CECR2: variants seen among roughly 807,000 people sequenced by gnomAD.
CECR2 encodes chromatin remodeling regulator CECR2.
CECR2 carries 30 observed loss-of-function variants against 154.5 expected under a neutral mutation model. The observed-to-expected ratio is 0.19, with a 90% CI of 0.15 to 0.26. The LOEUF is 0.26. Among genes scored for constraint, CECR2 ranks in the 10% least tolerant of loss-of-function variants. The pLI is 1.00. For synonymous variants in CECR2, 725 were observed against 683.7 expected, an observed-to-expected ratio of 1.06 and a Z score of -0.94; for missense variants, 1,743 against 1,829.3, an observed-to-expected ratio of 0.95 and a Z score of 0.86.
chr22:17,531,802 A>G (rs996654640), intron 9 of CECR2, among the ~76,000 whole-genome samples: 4 of 152,194 alleles, frequency 2.6e-5, no homozygotes, highest in Admixed American at 2.6e-4. Context: ...ACCAATGTGG[A>G]AAAGGTGGAT....
intron 1 of CECR2, among the ~76,000 whole-genome samples, chr22:17,464,706 T>C (rs2054998270): frequency 6.6e-6 from 1 of 152,052 alleles, no homozygotes. Context: ...CTCACAAAGT[T>C]GCCAGGCTGG....
chr22:17,495,525 C>T (rs976427818), intron 2 of CECR2, among the ~76,000 whole-genome samples: 38 of 148,024 alleles, frequency 2.6e-4, no homozygotes, highest in African/African-American at 8.7e-4. Context: ...GCCAAGATCA[C>T]GCCATTGTAC....
intron 1 of CECR2, among the ~76,000 whole-genome samples, chr22:17,412,659 A>T (rs933447444): frequency 6.6e-6 from 1 of 152,182 alleles, no homozygotes; most frequent in South Asian, 2.1e-4. Flanking sequence ...AAGGAAAATT[A>T]GGACTTCGGA....
intron 1 of CECR2, among the ~76,000 whole-genome samples, chr22:17,370,626 C>G (rs568123163): frequency 1.1e-4 from 16 of 152,028 alleles, no homozygotes; most frequent in Admixed American, 2.0e-4. Context: ...ATTATCCCCC[C>G]GGGCGAGCGC....
chr22:17,398,088 TTTA>T lies in CECR2; in HGVS notation c.126+28184_126+28186del, dbSNP rs1314394894. On this transcript the variant is annotated intron_variant, in intron 1 of 18. Transcript: ENST00000262608. ...TAAGCATTTTCATTTTGACATTTAT[TTTA>T]TTATATATTTCATGGTATGTCTGCT... Among the ~76,000 whole-genome samples, 4 of 152,322 alleles carry T rather than the reference TTTA, an allele frequency of 2.6e-5. No homozygotes were observed. In the South Asian group the frequency reaches 8.3e-4, roughly 32 times the overall value.
At chr22:17,403,576 T>G (rs1476873776) in intron 1 of CECR2, among the ~76,000 whole-genome samples, 1 of 152,208 alleles carries the variant, frequency 6.6e-6, no homozygotes, top group Non-Finnish European at 1.5e-5. Flanking sequence ...TTTCCTGTCC[T>G]TTTGCTTATC....
intron 1 of CECR2, among the ~76,000 whole-genome samples, chr22:17,383,248 T>C (rs1404119289): frequency 6.6e-6 from 1 of 152,090 alleles, no homozygotes; most frequent in Non-Finnish European, 1.5e-5. Flanking sequence ...AAAATCCTAA[T>C]GATCATCTGA....
At chr22:17,457,747 ACCCAGATGTC>A (rs764420888) in intron 1 of CECR2, among the ~76,000 whole-genome samples, 4 of 152,300 alleles carry the variant, frequency 2.6e-5, no homozygotes, top group Non-Finnish European at 5.9e-5. Flanking sequence ...AGTTGCAAAA[ACCCAGATGTC>A]CTTCAGTTGG....
chr22:17,404,279 CAAAAA>C (rs375565396), intron 1 of CECR2, among the ~76,000 whole-genome samples: 2 of 62,870 alleles, frequency 3.2e-5, no homozygotes, highest in East Asian at 3.7e-4. Flanking sequence ...ACCCCCCTGC[CAAAAA>C]AAAAAAAAAA....
rs186627084 is a variant in CECR2 at position 17,531,241 on chromosome 22, C to T, written c.1109-5862C>T. ...AAAGGGATCCCCGTGGTGACACAGA[C>T]GGAGGAATCGGGATTGTCAGAGGTG... On this transcript the variant is annotated intron_variant, in intron 9 of 18. Coordinates refer to ENST00000262608, the MANE Select transcript of CECR2 (RefSeq NM_001290047.2). 5.8e-3 allele frequency among the ~76,000 whole-genome samples: 882 copies of T among 151,904 alleles called. 4 individuals are homozygous for T. Among genetic ancestry groups the T allele is most frequent in the Middle Eastern group, 0.017 (5 of 290 alleles).
At chr22:17,540,238 A>C (rs1462380887) in intron 13 of CECR2, among the ~76,000 whole-genome samples, 174 bp from the exon 14 acceptor site, 1 of 134,588 alleles carries the variant, frequency 7.4e-6, no homozygotes. Context: ...GCTCTACAAT[A>C]TAATGTGCCC....
At position 17,480,971 on chromosome 22, in the gene CECR2, C is replaced by T. The variant is rs138148057; in HGVS notation, c.221+3289C>T. Among the ~76,000 whole-genome samples the T allele has an allele frequency of 2.5e-3, 363 of 145,674 alleles. 2 individuals are homozygous for T. The highest frequency in any genetic ancestry group is 8.6e-3 in the African/African-American group (340 of 39,458). On this transcript the variant is annotated intron_variant, in intron 2 of 18. Coordinates refer to ENST00000262608, the MANE Select transcript of CECR2 (RefSeq NM_001290047.2). ...GGGAGAATTGCTTCAACCCGGGAGG[C>T]GGAGGTTGCAGTGAGCCAAGATCGC...
intron 1 of CECR2, among the ~76,000 whole-genome samples, chr22:17,408,380 G>T (rs997085267): frequency 6.6e-6 from 1 of 151,996 alleles, no homozygotes; most frequent in Admixed American, 6.6e-5. Context: ...GTGTGATTTG[G>T]GCAAGTCATT....
intron 1 of CECR2, among the ~76,000 whole-genome samples, chr22:17,448,858 T>A (rs766821991): frequency 3.5e-4 from 53 of 152,130 alleles, no homozygotes; most frequent in African/African-American, 1.3e-3. Context: ...CTTTTCAGAT[T>A]CCTCTTTTTT....
chr22:17,466,334 A>G (rs892229162), intron 1 of CECR2, among the ~76,000 whole-genome samples: 5 of 152,170 alleles, frequency 3.3e-5, no homozygotes, highest in African/African-American at 1.2e-4. Context: ...TCATTTCTTT[A>G]AGCAAATTTC....
At chr22:17,551,958 C>G (rs2056714454) in intron 17 of CECR2, 73 bp from the exon 18 acceptor site, 1 of 1,414,046 alleles carries the variant, frequency 7.1e-7, no homozygotes, top group Non-Finnish European at 1.0e-6. Flanking sequence ...ACCCTCGTGA[C>G]TACAGTGTCT....
In CECR2 at chr22:17,474,058, G is replaced by C. The variant is rs191392630; in HGVS notation, c.127-3530G>C. Among the ~76,000 whole-genome samples the C allele has an allele frequency of 3.4e-3, 515 of 152,206 alleles. 5 individuals are homozygous for C. Among genetic ancestry groups the C allele is most frequent in the African/African-American group, 0.012 (490 of 41,508 alleles). ...TTATCCATTTGGTACTAACTGGGGG[G>C]GGTTTATAGTTACTAAAGGGAAAGA... On this transcript the variant is annotated intron_variant, in intron 1 of 18. Coordinates refer to ENST00000262608, the MANE Select transcript of CECR2 (RefSeq NM_001290047.2).
intron 1 of CECR2, among the ~76,000 whole-genome samples, chr22:17,447,728 C>T (rs550573251): frequency 1.3e-5 from 2 of 151,904 alleles, no homozygotes; most frequent in African/African-American, 4.8e-5. Flanking sequence ...AAAAAGTTCT[C>T]CGTGGCAGTT....
chr22:17,530,276 A>T (rs2146986103), intron 9 of CECR2, among the ~76,000 whole-genome samples: 1 of 150,788 alleles, frequency 6.6e-6, no homozygotes, highest in East Asian at 2.0e-4. Flanking sequence ...CCCAGGCTGG[A>T]GTGCAGTGGT....
Sources: gnomAD v4.1 joint callset for allele counts (sites outside exome capture counted in the v4.1 genomes callset) on GRCh38, gnomAD v4.1.1 for gene constraint, MANE v1.5 for transcripts, NCBI Gene and HGNC (gene_info 2026-07-23, HGNC 2026-07-21) for gene names.